The following TACC1 variants were observed in gnomAD, a reference collection of about 807,000 sequenced individuals.
TACC1 encodes transforming acidic coiled-coil-containing protein 1.
TACC1 carries 48 observed loss-of-function variants against 84.4 expected under a neutral mutation model. That is an observed-to-expected ratio of 0.57 (90% CI 0.45 to 0.72). The LOEUF (loss-of-function observed/expected upper bound fraction) is 0.72, where lower values mean the gene tolerates loss of function less well. Ranked by LOEUF, TACC1 falls within the 30% of genes least tolerant of loss-of-function variation. TACC1 has a pLI of 0.00. For synonymous variants in TACC1, 372 were observed against 376.3 expected (o/e 0.99, Z 0.13); for missense variants, 920 against 973.0 (o/e 0.95, Z 0.72).
intron 3 of TACC1, among the ~76,000 whole-genome samples, chr8:38,755,189 G>A (rs1348728249): frequency 6.9e-6 from 1 of 145,626 alleles, no homozygotes; most frequent in Non-Finnish European, 1.5e-5. Flanking sequence ...AAGATCTGTT[G>A]TCAATGTAAA....
At chr8:38,752,575 C>T (rs1032164078) in intron 3 of TACC1, among the ~76,000 whole-genome samples, 1 of 152,118 alleles carries the variant, frequency 6.6e-6, no homozygotes, top group Admixed American at 6.6e-5. Context: ...GAAACCTTAA[C>T]CACGGACATG....
intron 2 of TACC1, among the ~76,000 whole-genome samples, chr8:38,795,525 G>A (rs1278223787): frequency 6.6e-6 from 1 of 152,196 alleles, no homozygotes; most frequent in Non-Finnish European, 1.5e-5. Context: ...CCTACAAAAT[G>A]GATGTGGCCT....
At position 38,840,227 on chromosome 8, in the gene TACC1, A is replaced by G. The variant is rs754525616; in HGVS notation, c.1920A>G (p.Lys640=). ...AAGTTCTTTTTTTCTCATTTAGGAA[A>G]ATTGTAGCTGAATATGAAAAGACTA... The part of the protein sequence containing the change: ...ETRQEVLEMR[K]IVAEYEKTIA... Residue 640 remains lysine, a synonymous_variant, in exon 9 of 13, where the codon AAA becomes AAG. Coordinates refer to ENST00000317827, the MANE Select transcript of TACC1 (RefSeq NM_006283.3). 2.1e-5 allele frequency: 33 copies of G among 1,608,140 alleles called. No individual in the cohort carries two copies. The East Asian group carries it at 6.9e-4, about 34-fold the overall frequency.
intron 9 of TACC1, among the ~76,000 whole-genome samples, chr8:38,840,980 C>T (rs1159567386): frequency 2.0e-5 from 3 of 152,074 alleles, no homozygotes; most frequent in Non-Finnish European, 2.9e-5. Context: ...ACCTGGGAGG[C>T]GGAAGTTATG....
intron 2 of TACC1, among the ~76,000 whole-genome samples, chr8:38,810,284 A>AT (rs1470295959): frequency 1.3e-5 from 2 of 152,042 alleles, no homozygotes; most frequent in Non-Finnish European, 2.9e-5. Context: ...TTAGATTCAT[A>AT]TTTTTTAGGT....
upstream of TACC1, among the ~76,000 whole-genome samples, chr8:38,786,794 A>T (rs1018409710): frequency 6.6e-6 from 1 of 151,022 alleles, no homozygotes; most frequent in African/African-American, 2.4e-5. Context: ...TAGGGAGGGG[A>T]AAACAACAGT....
At chr8:38,734,762 G>A (rs1280182802) in intron 1 of TACC1, among the ~76,000 whole-genome samples, 3 of 152,244 alleles carry the variant, frequency 2.0e-5, no homozygotes, top group Admixed American at 6.5e-5. Flanking sequence ...CCTGAGGGCT[G>A]CACTAGCCAT....
chr8:38,824,804 T>C (rs1827664050), intron 3 of TACC1: 1 of 153,810 alleles, frequency 6.5e-6, no homozygotes, highest in South Asian at 2.0e-4. Context: ...TACTTTTTAT[T>C]GATGACAGTT....
intron 3 of TACC1, among the ~76,000 whole-genome samples, chr8:38,771,002 C>T (rs1273767884): frequency 6.6e-6 from 1 of 152,132 alleles, no homozygotes; most frequent in Non-Finnish European, 1.5e-5. Flanking sequence ...GAGAGGCTTA[C>T]ACAGCATCTT....
Position 38,851,300 on chromosome 8 carries a change from G to C in TACC1, c.*3277G>C, listed in dbSNP as rs1299154296. 1.3e-5 allele frequency: 2 copies of C among 152,182 alleles called. No homozygotes were observed. Among genetic ancestry groups the C allele is most frequent in the African/African-American group, 2.4e-5 (1 of 41,424 alleles). 9.4% of individuals were successfully genotyped at this position (152,182 alleles called of 1,614,324 possible). A position where few individuals can be genotyped will look rare whatever the true frequency, so the allele number is the denominator to read the frequency against. ...TACCCTTTCAACCTACCCATACTTT[G>C]TACAACTCTTACACAAATACTTAGA... is the stretch of plus-strand genomic sequence containing the variant. On this transcript the variant is annotated 3_prime_UTR_variant, in exon 13 of 13. Transcript: ENST00000317827.
intron 6 of TACC1, among the ~76,000 whole-genome samples, chr8:38,831,455 G>T (rs1368408854): frequency 6.6e-6 from 1 of 152,112 alleles, no homozygotes. Flanking sequence ...TATTTTGGAT[G>T]TCTTGGGTTA....
chr8:38,815,671 G>A lies in TACC1; in HGVS notation c.278-3851G>A, dbSNP rs377327123. 1.8e-3 allele frequency among the ~76,000 whole-genome samples: 269 copies of A among 152,128 alleles called. 1 individual carries two copies. The highest frequency in any genetic ancestry group is 0.014 in the Middle Eastern group (4 of 294). On this transcript the variant is annotated intron_variant, in intron 2 of 12. Transcript: ENST00000317827. ...TGACCACAGGTGATCTGCCCGCCTC[G>A]GCCTCCCAAAGTGCTGGGATTACAG... is the stretch of plus-strand genomic sequence containing the variant.
intron 2 of TACC1, among the ~76,000 whole-genome samples, chr8:38,744,563 T>C (rs572861862): frequency 6.6e-6 from 1 of 152,270 alleles, no homozygotes; most frequent in South Asian, 2.1e-4. Flanking sequence ...TGTTTGTTTG[T>C]TTTACTTAGA....
At chr8:38,846,463 CTG>C (rs1351095875) in intron 11 of TACC1, 1 of 355,320 alleles carries the variant, frequency 2.8e-6, no homozygotes, top group Non-Finnish European at 5.1e-6. Flanking sequence ...AAATCTAAGA[CTG>C]TTATAGAAAC....
chr8:38,813,425 A>G (rs1213328464), intron 2 of TACC1, among the ~76,000 whole-genome samples: 1 of 152,232 alleles, frequency 6.6e-6, no homozygotes, highest in Non-Finnish European at 1.5e-5. Context: ...TCTTGGTTCA[A>G]TAAGATAGTC....
chr8:38,823,787 C>T (rs573297153), intron 3 of TACC1, among the ~76,000 whole-genome samples: 2 of 152,242 alleles, frequency 1.3e-5, no homozygotes, highest in African/African-American at 4.8e-5. Flanking sequence ...CTACCAGTCT[C>T]CTTTGTAGTT....
At chr8:38,764,490 T>TA (rs1447747578) in intron 3 of TACC1, among the ~76,000 whole-genome samples, 1 of 152,204 alleles carries the variant, frequency 6.6e-6, no homozygotes, top group African/African-American at 2.4e-5. Context: ...GGGTTATGTT[T>TA]AATTCATTAG....
chr8:38,762,644 C>A (rs914100008), intron 3 of TACC1, among the ~76,000 whole-genome samples: 1 of 151,820 alleles, frequency 6.6e-6, no homozygotes, highest in East Asian at 1.9e-4. Flanking sequence ...GCAACCTCCA[C>A]CTCCCAAATT....
Position 38,846,693 on chromosome 8 carries a change from A to C in TACC1, c.2229-6A>C. 3.7e-6 allele frequency: 6 copies of C among 1,614,150 alleles called. No homozygotes were observed. Among genetic ancestry groups the C allele is most frequent in the Non-Finnish European group, 5.1e-6 (6 of 1,180,012 alleles). On this transcript the variant is annotated splice_polypyrimidine_tract_variant and splice_region_variant and intron_variant, in intron 11 of 12. Coordinates refer to ENST00000317827, the MANE Select transcript of TACC1 (RefSeq NM_006283.3). Reference sequence around the variant, plus strand: ...TCTCTTTATTACACCCAAACACCATAAACAGAGCCAATGAAGAGATTGCTC... The same window carrying C: ...TCTCTTTATTACACCCAAACACCATCAACAGAGCCAATGAAGAGATTGCTC...
Sources: allele counts gnomAD v4.1 joint callset (sites outside exome capture counted in the v4.1 genomes callset), GRCh38; gene constraint gnomAD v4.1.1; transcripts MANE v1.5; gene names NCBI Gene and HGNC (gene_info 2026-07-23, HGNC 2026-07-21).